TRIM66: variants seen among roughly 807,000 people sequenced by gnomAD.
TRIM66 encodes the protein tripartite motif containing 66, also known as tripartite motif-containing protein 66.
Under a neutral mutation model 148.2 loss-of-function variants are expected in TRIM66, and 99 were observed. The observed-to-expected ratio is 0.67, with a 90% CI of 0.57 to 0.79. The LOEUF is 0.79. TRIM66 is among the 30% of genes least tolerant of loss of function. TRIM66 has a pLI of 0.00. For synonymous variants in TRIM66, 616 were observed against 635.9 expected, an observed-to-expected ratio of 0.97 and a Z score of 0.47; for missense variants, 1,666 against 1,697.9, an observed-to-expected ratio of 0.98 and a Z score of 0.33.
At chr11:8,643,200 G>T in intron 12 of TRIM66, 74 bp from the exon 13 acceptor site, 1 of 1,310,604 alleles carries the variant, frequency 7.6e-7, no homozygotes, top group Non-Finnish European at 1.1e-6. Flanking sequence ...CTTACTCTTT[G>T]GACAAGCTGA....
chr11:8,639,847 G>A (rs982550222), intron 14 of TRIM66, among the ~76,000 whole-genome samples: 1 of 152,174 alleles, frequency 6.6e-6, no homozygotes, highest in Non-Finnish European at 1.5e-5. Flanking sequence ...GATTCATAAG[G>A]TCCGGCAAGG....
At chr11:8,620,887 C>T (rs1483745548) in intron 20 of TRIM66, 145 bp downstream of exon 20, 16 of 1,120,100 alleles carry the variant, frequency 1.4e-5, no homozygotes, top group South Asian at 3.3e-5. Context: ...TACCCAGGCC[C>T]ATTAACTCAC....
At chr11:8,636,790 C>T (rs1300835322) in intron 15 of TRIM66, among the ~76,000 whole-genome samples, 1 of 152,148 alleles carries the variant, frequency 6.6e-6, no homozygotes, top group Admixed American at 6.5e-5. Context: ...AACCATATCC[C>T]TCCTTTCTGG....
At chr11:8,652,236 C>A (rs1253165724) in intron 6 of TRIM66, among the ~76,000 whole-genome samples, 1 of 152,106 alleles carries the variant, frequency 6.6e-6, no homozygotes, top group Non-Finnish European at 1.5e-5. Flanking sequence ...TCCCATTCCT[C>A]ATTCCACATC....
Position 8,649,875 on chromosome 11 carries a change from A to T in TRIM66, c.457T>A (p.Cys153Ser), listed in dbSNP as rs2037202825. 6.4e-7 allele frequency: 1 copy of T among 1,551,168 alleles called. No individual in the cohort carries two copies. The highest frequency in any genetic ancestry group is 1.4e-5 in the African/African-American group (1 of 72,986). The change falls in exon 8 of 25, where the codon TGC (cysteine) becomes AGC (serine). Residue 153 changes from cysteine to serine, a missense_variant. This residue lies in a region of TRIM66 where 1,431 missense variants were observed against 1,412.4 expected (regional missense o/e 1.01). Coordinates refer to ENST00000646038, the MANE Select transcript of TRIM66 (RefSeq NM_001388022.1). The part of the protein sequence containing the change: ...QPKMARNCSE[C>S]KEKRAAHILC... ...ATATGTGCTGCCCTCTTCTCCTTGC[A>T]CTCAGAGCAGTTCTGGAAGCAGAGA... is the stretch of plus-strand genomic sequence containing the variant.
chr11:8,652,468 C>T (rs1430109888), intron 6 of TRIM66, among the ~76,000 whole-genome samples: 1 of 152,132 alleles, frequency 6.6e-6, no homozygotes, highest in African/African-American at 2.4e-5. Flanking sequence ...GCCTCTGAGG[C>T]TCAGAGGTCT....
rs1390580718 is a variant in TRIM66, at chr11:8,672,368, T to C, written c.-94A>G. The C allele has an allele frequency of 4.0e-6, 6 of 1,518,378 alleles. No individual in the cohort carries two copies. Among genetic ancestry groups the C allele is most frequent in the Non-Finnish European group, 4.4e-6 (5 of 1,140,380 alleles). The allele number at this position is 1,518,378 out of a possible 1,614,324, so 94.1% of individuals were successfully genotyped here. A position where few individuals can be genotyped will look rare whatever the true frequency, so the allele number is the denominator to read the frequency against. ...TGTCCCGTACCTGTGCCTCTCCTTA[T>C]TGGTAGACAAGCTTGACCTAAGTTT... On this transcript the variant is annotated 5_prime_UTR_variant, in exon 5 of 25. Transcript: ENST00000646038.
chr11:8,618,771 G>A lies in TRIM66; in HGVS notation c.4098C>T (p.Pro1366=), dbSNP rs1261701373. The change falls in exon 24 of 25, where the codon CCC becomes CCT. Residue 1366 remains proline, a synonymous_variant. Coordinates refer to ENST00000646038, the MANE Select transcript of TRIM66 (RefSeq NM_001388022.1). ...WPPYMQEGIQ[P]KRRRRHMENE... ...TTACCATATGTCGTCGCCGCCTCTTGGGTTGGATGCCCTCCTGCATGTAGG... is the reference window on the plus strand; with the variant it reads ...TTACCATATGTCGTCGCCGCCTCTTAGGTTGGATGCCCTCCTGCATGTAGG... 4 of 1,550,796 alleles carry A rather than the reference G, an allele frequency of 2.6e-6. No homozygotes were observed. The East Asian group carries it at 9.8e-5, about 38-fold the overall frequency.
chr11:8,650,319 G>T (rs1391850017), intron 7 of TRIM66, among the ~76,000 whole-genome samples: 5 of 152,122 alleles, frequency 3.3e-5, no homozygotes, highest in African/African-American at 1.2e-4. Context: ...GCTGCAGTGA[G>T]CCAAGATCGT....
intron 15 of TRIM66, among the ~76,000 whole-genome samples, chr11:8,627,192 C>T (rs1237010427): frequency 6.6e-6 from 1 of 152,064 alleles, no homozygotes; most frequent in Non-Finnish European, 1.5e-5. Context: ...TTTTGCTTAC[C>T]CACCATATTC....
chr11:8,638,910 G>T, intron 14 of TRIM66, 95 bp from the exon 15 acceptor site: 1 of 1,300,716 alleles, frequency 7.7e-7, no homozygotes, highest in Non-Finnish European at 1.0e-6. Context: ...CCTGCCATGT[G>T]CATCATCACC....
At chr11:8,662,506 G>C (rs1335774347) in intron 6 of TRIM66, among the ~76,000 whole-genome samples, 1 of 152,106 alleles carries the variant, frequency 6.6e-6, no homozygotes, top group Non-Finnish European at 1.5e-5. Flanking sequence ...AGAAGCATCG[G>C]GCTATGGTAG....
At chr11:8,627,966 C>G (rs2035013862) in intron 15 of TRIM66, among the ~76,000 whole-genome samples, 1 of 152,128 alleles carries the variant, frequency 6.6e-6, no homozygotes, top group Non-Finnish European at 1.5e-5. Flanking sequence ...GTAGCTGGGA[C>G]TACAGGCGCA....
intron 1 of TRIM66, among the ~76,000 whole-genome samples, chr11:8,682,130 T>C (rs1470200765): frequency 2.6e-5 from 4 of 152,214 alleles, no homozygotes; most frequent in Non-Finnish European, 5.9e-5. Flanking sequence ...ACCAGGCATC[T>C]AAGTCCCTGA....
At chr11:8,677,694 A>C (rs1404185931) in intron 3 of TRIM66, among the ~76,000 whole-genome samples, 1 of 152,222 alleles carries the variant, frequency 6.6e-6, no homozygotes, top group African/African-American at 2.4e-5. Context: ...CTCTGAAATT[A>C]AAGTAAAACC....
chr11:8,660,796 A>C (rs773285948), intron 6 of TRIM66, among the ~76,000 whole-genome samples: 1 of 152,176 alleles, frequency 6.6e-6, no homozygotes. Flanking sequence ...CTGGACCTTC[A>C]AGTTTGTGTA....
At chr11:8,672,467 G>A (rs2038982276) in intron 4 of TRIM66, 82 bp from the exon 5 acceptor site, 1 of 1,368,750 alleles carries the variant, frequency 7.3e-7, no homozygotes, top group African/African-American at 1.5e-5. Flanking sequence ...GTATTTCAAA[G>A]GGGTTGAGAC....
intron 5 of TRIM66, 56 bp from the exon 6 acceptor site, chr11:8,672,154 T>C: frequency 6.5e-7 from 1 of 1,530,114 alleles, no homozygotes; most frequent in Non-Finnish European, 8.7e-7. Flanking sequence ...AAAAAAATCT[T>C]AGGCCAGAGG....
intron 14 of TRIM66, among the ~76,000 whole-genome samples, chr11:8,639,544 T>C (rs893619378): frequency 3.3e-5 from 5 of 152,172 alleles, no homozygotes; most frequent in African/African-American, 1.2e-4. Context: ...ATTACAGAAA[T>C]GTCAGCAGAC....
Sources: gnomAD v4.1 joint callset for allele counts (sites outside exome capture counted in the v4.1 genomes callset) on GRCh38, gnomAD v4.1.1 for gene constraint, gnomAD v4.1.1 regional missense constraint, MANE v1.5 for transcripts, NCBI Gene and HGNC (gene_info 2026-07-23, HGNC 2026-07-21) for gene names.